Variants in SPIDR observed in about 807,000 individuals in gnomAD.
SPIDR encodes DNA repair-scaffolding protein.
In SPIDR, 93 loss-of-function variants were observed where a neutral mutation model predicts 104.6. That is an observed-to-expected ratio of 0.89 (90% confidence interval 0.75 to 1.06). The LOEUF is 1.06. Ranked by LOEUF, SPIDR falls within the 50% of genes least tolerant of loss-of-function variation. The pLI is 0.00. For missense variants in SPIDR, 1,154 were observed against 1,111.2 expected, an observed-to-expected ratio of 1.04 and a Z score of -0.55; for synonymous variants, 431 against 416.9, an observed-to-expected ratio of 1.03 and a Z score of -0.41.
intron 10 of SPIDR, among the ~76,000 whole-genome samples, chr8:47,651,255 G>A (rs936788043): frequency 2.0e-4 from 31 of 152,064 alleles, no homozygotes; most frequent in Non-Finnish European, 4.0e-4. Context: ...GGAAAAAAGA[G>A]AAAGACAAGT....
At chr8:47,380,208 G>C (rs1453747753) in intron 5 of SPIDR, among the ~76,000 whole-genome samples, 2 of 152,226 alleles carry the variant, frequency 1.3e-5, no homozygotes, top group African/African-American at 4.8e-5. Flanking sequence ...AGCAACGCGT[G>C]CTGCCCCTGC....
chr8:47,713,026 C>T, intron 15 of SPIDR, 154 bp downstream of exon 15: 1 of 1,410,076 alleles, frequency 7.1e-7, no homozygotes, highest in Non-Finnish European at 9.2e-7. Flanking sequence ...AGCCTCCAGC[C>T]TTCACTGACC....
chr8:47,690,055 TA>T (rs111756835), intron 11 of SPIDR, among the ~76,000 whole-genome samples: 65 of 147,634 alleles, frequency 4.4e-4, no homozygotes, highest in African/African-American at 7.9e-4. Flanking sequence ...AATATTTGGT[TA>T]AAAAAAAAAA....
At chr8:47,300,498 T>G (rs2041870394) in intron 5 of SPIDR, among the ~76,000 whole-genome samples, 1 of 152,214 alleles carries the variant, frequency 6.6e-6, no homozygotes. Context: ...AGCTTTTGAA[T>G]GTGTTTGCTC....
chr8:47,548,618 G>A lies in SPIDR; in HGVS notation c.1098-47193G>A, dbSNP rs143393913. On this transcript the variant is annotated intron_variant, in intron 8 of 19. Transcript: ENST00000297423. Reference sequence around the variant, plus strand: ...AGCTGCGATTGCACCACTGCACTCCGGCCTGGGCAACAGAGCGGAACTTCA... The same window carrying A: ...AGCTGCGATTGCACCACTGCACTCCAGCCTGGGCAACAGAGCGGAACTTCA... Among the ~76,000 whole-genome samples the A allele has an allele frequency of 3.2e-3, 481 of 152,214 alleles. 2 individuals carry two copies. The highest frequency in any genetic ancestry group is 0.011 in the African/African-American group (459 of 41,542).
chr8:47,333,636 A>G (rs1423124728), intron 5 of SPIDR, among the ~76,000 whole-genome samples: 1 of 152,230 alleles, frequency 6.6e-6, no homozygotes, highest in African/African-American at 2.4e-5. Context: ...TAAAAAGTAT[A>G]GTATAGTAAA....
intron 17 of SPIDR, among the ~76,000 whole-genome samples, chr8:47,727,647 G>T (rs2084473945): frequency 6.6e-6 from 1 of 152,232 alleles, no homozygotes; most frequent in South Asian, 2.1e-4. Context: ...CGTTTACAGA[G>T]ACCACTTTTA....
At chr8:47,266,801 A>C (rs960768261) in intron 1 of SPIDR, among the ~76,000 whole-genome samples, 7 of 152,202 alleles carry the variant, frequency 4.6e-5, no homozygotes, top group Non-Finnish European at 8.8e-5. Flanking sequence ...AGTGGTTTCT[A>C]GTATATTTAC....
intron 10 of SPIDR, among the ~76,000 whole-genome samples, chr8:47,665,001 A>G (rs949714877): frequency 6.6e-6 from 1 of 152,196 alleles, no homozygotes; most frequent in Non-Finnish European, 1.5e-5. Context: ...GTGCACCAAA[A>G]TATGTGTAAT....
chr8:47,393,471 C>T (rs535942727), intron 5 of SPIDR, among the ~76,000 whole-genome samples: 5 of 152,108 alleles, frequency 3.3e-5, no homozygotes, highest in Admixed American at 6.6e-5. Context: ...TTGGCTCCTG[C>T]GTCAAGCTGT....
intron 8 of SPIDR, among the ~76,000 whole-genome samples, chr8:47,590,217 T>C (rs753126145): frequency 6.6e-6 from 1 of 152,096 alleles, no homozygotes; most frequent in Non-Finnish European, 1.5e-5. Flanking sequence ...TCTCTGAGTT[T>C]ATTTTGCTCT....
chr8:47,261,042 A>G, intron 1 of SPIDR, 51 bp downstream of exon 1: 1 of 1,224,670 alleles, frequency 8.2e-7, no homozygotes, highest in Non-Finnish European at 1.0e-6. Flanking sequence ...CGTTGCGGGG[A>G]AGCGGCGGGC....
chr8:47,345,703 G>T (rs1226499860), intron 5 of SPIDR, among the ~76,000 whole-genome samples: 3 of 152,122 alleles, frequency 2.0e-5, no homozygotes, highest in Non-Finnish European at 4.4e-5. Flanking sequence ...GGATTGCTAG[G>T]TATTTTATTC....
At chr8:47,262,759 G>T (rs1217811022) in intron 1 of SPIDR, among the ~76,000 whole-genome samples, 3 of 152,126 alleles carry the variant, frequency 2.0e-5, no homozygotes, top group African/African-American at 7.2e-5. Flanking sequence ...GGGATCACAG[G>T]GGCCACCTTG....
At chr8:47,686,286 A>G (rs2077813230) in intron 11 of SPIDR, among the ~76,000 whole-genome samples, 1 of 152,216 alleles carries the variant, frequency 6.6e-6, no homozygotes, top group Non-Finnish European at 1.5e-5. Flanking sequence ...TAGCAGTATG[A>G]TTCAGAAGCA....
At chr8:47,352,551 C>T (rs1267692027) in intron 5 of SPIDR, among the ~76,000 whole-genome samples, 6 of 152,050 alleles carry the variant, frequency 3.9e-5, no homozygotes, top group Non-Finnish European at 7.4e-5. Context: ...ATTCTGCCAG[C>T]GTAGACTGCT....
At chr8:47,310,626 A>G (rs587641952) in intron 5 of SPIDR, among the ~76,000 whole-genome samples, 7 of 152,310 alleles carry the variant, frequency 4.6e-5, no homozygotes, top group African/African-American at 1.7e-4. Flanking sequence ...GAACTCGGTC[A>G]TTGGTTGTGT....
chr8:47,386,671 A>T (rs1554648395), intron 5 of SPIDR, among the ~76,000 whole-genome samples: 1 of 152,186 alleles, frequency 6.6e-6, no homozygotes, highest in Non-Finnish European at 1.5e-5. Flanking sequence ...TTTAGATATA[A>T]TGAGTAGTTT....
chr8:47,511,283 A>G, intron 8 of SPIDR: 1 of 1,463,962 alleles, frequency 6.8e-7, no homozygotes, highest in Non-Finnish European at 9.6e-7. Flanking sequence ...TCGACGATTA[A>G]GATGGAAGAG....
Sources: gnomAD v4.1 joint callset for allele counts (sites outside exome capture counted in the v4.1 genomes callset) on GRCh38, gnomAD v4.1.1 for gene constraint, MANE v1.5 for transcripts, NCBI Gene and HGNC (gene_info 2026-07-23, HGNC 2026-07-21) for gene names.